The following DENND2A variants were observed in gnomAD, a reference collection of about 807,000 sequenced individuals.
The protein encoded by DENND2A is DENN domain-containing protein 2A.
A neutral mutation model predicts 105.3 loss-of-function variants in DENND2A; 53 were observed. The observed-to-expected ratio is 0.50, with a 90% CI of 0.40 to 0.63. The LOEUF is 0.63. Ranked by LOEUF, DENND2A falls within the 30% of genes least tolerant of loss-of-function variation. DENND2A has a pLI of 0.00. For missense variants in DENND2A, 1,138 were observed against 1,279.6 expected (o/e 0.89, Z 1.69); for synonymous variants, 522 against 508.4 (o/e 1.03, Z -0.36).
At chr7:140,555,555 A>G (rs1797326517) in intron 12 of DENND2A, 81 bp downstream of exon 12, 2 of 1,231,170 alleles carry the variant, frequency 1.6e-6, no homozygotes, top group Non-Finnish European at 2.3e-6. Context: ...TAGAAGGCCC[A>G]GGACATGGGG....
At chr7:140,615,896 A>C (rs1262691298) in intron 1 of DENND2A, among the ~76,000 whole-genome samples, 1 of 152,058 alleles carries the variant, frequency 6.6e-6, no homozygotes. Flanking sequence ...ACCAACAAAT[A>C]ACTGGATAAA....
chr7:140,549,612 T>G (rs1310651218), intron 12 of DENND2A, among the ~76,000 whole-genome samples: 3 of 152,184 alleles, frequency 2.0e-5, no homozygotes, highest in Non-Finnish European at 4.4e-5. Flanking sequence ...GTTAACTATA[T>G]GCTGAAATAA....
intron 1 of DENND2A, among the ~76,000 whole-genome samples, chr7:140,616,537 G>A (rs1800093067): frequency 6.6e-6 from 1 of 152,112 alleles, no homozygotes; most frequent in African/African-American, 2.4e-5. Context: ...AACACAGTCA[G>A]TATACTAGAA....
rs773775860 is a variant in DENND2A, at chr7:140,601,645, A to G, written c.753T>C (p.Tyr251=). The G allele has an allele frequency of 3.1e-6, 5 of 1,613,142 alleles. No individual in the cohort carries two copies. Among genetic ancestry groups the G allele is most frequent in the East Asian group, 2.2e-5 (1 of 44,856 alleles). ...RPWDRSLENV[Y]RGSEGSPTKP... ...TTGTGGGGGAACCCTCCGAGCCCCT[A>G]TACACGTTCTCAAGGCTCCGGTCCC... Residue 251 remains tyrosine (Y), a synonymous_variant, in exon 3 of 20, where the codon TAT becomes TAC. Transcript: ENST00000496613.
chr7:140,583,085 A>G (rs1798608750), intron 5 of DENND2A, among the ~76,000 whole-genome samples: 2 of 151,656 alleles, frequency 1.3e-5, no homozygotes, highest in Admixed American at 1.3e-4. Flanking sequence ...AGGTCAGGAG[A>G]TCGAGACCAT....
At chr7:140,626,151 C>T (rs1405002843) in intron 1 of DENND2A, among the ~76,000 whole-genome samples, 1 of 152,178 alleles carries the variant, frequency 6.6e-6, no homozygotes. Context: ...TTGACGGCAC[C>T]GTACGGGCCT....
Position 140,589,816 on chromosome 7 carries a change from T to C in DENND2A, c.996-2036A>G, listed in dbSNP as rs1798936168. ...GCTAAGTTTTAATTTTTTGTAGAAA[T>C]GGAGGTCTTGCTTTGCTGCCCAGGC... On this transcript the variant is annotated intron_variant, in intron 3 of 19. Coordinates refer to ENST00000496613, the MANE Select transcript of DENND2A (RefSeq NM_015689.5). 1.3e-5 allele frequency among the ~76,000 whole-genome samples: 2 copies of C among 151,988 alleles called. 1 individual carries two copies. The highest frequency in any genetic ancestry group is 4.1e-4 in the South Asian group (2 of 4,826).
chr7:140,602,927 C>T (rs1799570456), intron 2 of DENND2A, among the ~76,000 whole-genome samples: 1 of 152,088 alleles, frequency 6.6e-6, no homozygotes. Context: ...AATTCAGTCA[C>T]GTGACCTTAG....
At chr7:140,591,359 G>A (rs548456354) in intron 3 of DENND2A, among the ~76,000 whole-genome samples, 22 of 152,292 alleles carry the variant, frequency 1.4e-4, no homozygotes, top group African/African-American at 5.1e-4. Flanking sequence ...TTTGCAAAAC[G>A]ATTCATCAAA....
chr7:140,598,295 G>A (rs943288537), intron 3 of DENND2A, among the ~76,000 whole-genome samples: 2 of 152,082 alleles, frequency 1.3e-5, no homozygotes, highest in Admixed American at 6.6e-5. Context: ...AAAACTCTAA[G>A]TGAAAAAATA....
intron 3 of DENND2A, among the ~76,000 whole-genome samples, chr7:140,591,871 C>CT (rs1336587810): frequency 8.9e-6 from 1 of 112,518 alleles, no homozygotes; most frequent in African/African-American, 4.0e-5. Context: ...CTTCCCTTTC[C>CT]TTCCTTCCTT....
chr7:140,526,010 C>G (rs1459388023), intron 15 of DENND2A, among the ~76,000 whole-genome samples: 1 of 152,158 alleles, frequency 6.6e-6, no homozygotes, highest in Admixed American at 6.6e-5. Flanking sequence ...ACACCGACAC[C>G]GCAGGCTGGG....
chr7:140,534,143 G>T (rs10237732), intron 14 of DENND2A, among the ~76,000 whole-genome samples: 41,275 of 137,184 alleles, frequency 0.3, 6,200 homozygotes, highest in Middle Eastern at 0.4. Flanking sequence ...GGAGTGCAAT[G>T]GTGCGATCTT....
intron 1 of DENND2A, among the ~76,000 whole-genome samples, chr7:140,607,491 C>T (rs1799735718): frequency 6.6e-6 from 1 of 152,156 alleles, no homozygotes; most frequent in African/African-American, 2.4e-5. Context: ...GTTCCCCTAT[C>T]CAGCAACTCA....
intron 14 of DENND2A, among the ~76,000 whole-genome samples, chr7:140,538,936 G>A (rs1231750737): frequency 5.3e-5 from 8 of 151,966 alleles, no homozygotes; most frequent in Admixed American, 5.2e-4. Flanking sequence ...TGATTCTCCT[G>A]CCTCAGCCTC....
At chr7:140,588,766 C>CAT (rs1798890060) in intron 3 of DENND2A, among the ~76,000 whole-genome samples, 1 of 136,846 alleles carries the variant, frequency 7.3e-6, no homozygotes, top group African/African-American at 2.7e-5. Context: ...TTTTTTGGCA[C>CAT]TTTTTTTTTT....
At position 140,601,921 on chromosome 7, in the gene DENND2A, C is replaced by T. The variant is rs561696827; in HGVS notation, c.477G>A (p.Val159=). ...GCTCGAGTTTCTTGACCTGCTTCAGCACGGAGAGGGGATCGTTCTGAAAGC... is the reference window on the plus strand; with the variant it reads ...GCTCGAGTTTCTTGACCTGCTTCAGTACGGAGAGGGGATCGTTCTGAAAGC... The part of the protein sequence containing the change: ...KLRFQNDPLS[V]LKQVKKLEQA... Residue 159 remains valine (V), a synonymous_variant, in exon 3 of 20, where the codon GTG becomes GTA. Coordinates refer to ENST00000496613, the MANE Select transcript of DENND2A (RefSeq NM_015689.5). 113 of 1,614,202 alleles carry T rather than the reference C, an allele frequency of 7.0e-5. No homozygotes were observed. In the South Asian group the frequency reaches 1.2e-3, roughly 17 times the overall value.
At chr7:140,581,906 C>A (rs1178501764) in intron 5 of DENND2A, among the ~76,000 whole-genome samples, 2 of 152,030 alleles carry the variant, frequency 1.3e-5, no homozygotes, top group Non-Finnish European at 2.9e-5. Context: ...GGTTGGTAAG[C>A]CTTTATTTCC....
intron 12 of DENND2A, among the ~76,000 whole-genome samples, chr7:140,547,779 C>A (rs529226314): frequency 4.3e-4 from 65 of 152,282 alleles, no homozygotes; most frequent in Middle Eastern, 6.8e-3. Context: ...TGCACTATAT[C>A]CATATAATGG....
Sources: gnomAD v4.1 joint callset for allele counts (sites outside exome capture counted in the v4.1 genomes callset) on GRCh38, gnomAD v4.1.1 for gene constraint, MANE v1.5 for transcripts, NCBI Gene and HGNC (gene_info 2026-07-23, HGNC 2026-07-21) for gene names.